The following SCFD2 variants were observed in gnomAD, a reference collection of about 807,000 sequenced individuals.
SCFD2 encodes the protein sec1 family domain containing 2, also known as sec1 family domain-containing protein 2.
SCFD2 carries 54 observed loss-of-function variants against 58.9 expected under a neutral mutation model. The observed-to-expected ratio is 0.92, with a 90% CI of 0.74 to 1.15. The LOEUF (loss-of-function observed/expected upper bound fraction) is 1.15. Ranked by LOEUF, SCFD2 falls within the 50% of genes most tolerant of loss-of-function variation. The pLI is 0.00. For missense variants in SCFD2, 805 were observed against 836.6 expected, an observed-to-expected ratio of 0.96 and a Z score of 0.47; for synonymous variants, 321 against 335.9, an observed-to-expected ratio of 0.96 and a Z score of 0.49.
At chr4:53,007,868 G>A (rs1722012942) in intron 5 of SCFD2, among the ~76,000 whole-genome samples, 1 of 152,212 alleles carries the variant, frequency 6.6e-6, no homozygotes, top group African/African-American at 2.4e-5. Flanking sequence ...GCTTATGAGT[G>A]TGGCAGACTG....
intron 4 of SCFD2, among the ~76,000 whole-genome samples, chr4:53,177,937 T>G (rs1189601963): frequency 6.6e-6 from 1 of 152,118 alleles, no homozygotes; most frequent in Non-Finnish European, 1.5e-5. Context: ...AACTGCAAGG[T>G]GGCAGCAAGG....
intron 5 of SCFD2, among the ~76,000 whole-genome samples, chr4:53,043,345 A>T (rs1722945748): frequency 6.6e-6 from 1 of 151,902 alleles, no homozygotes; most frequent in Non-Finnish European, 1.5e-5. Context: ...ATTAGGCTGG[A>T]GATCTTAGCT....
chr4:53,046,678 T>C (rs1723048259), intron 5 of SCFD2, among the ~76,000 whole-genome samples: 1 of 152,136 alleles, frequency 6.6e-6, no homozygotes, highest in Non-Finnish European at 1.5e-5. Flanking sequence ...GTTGTTGTTT[T>C]TTTCTTTGAG....
chr4:53,095,353 C>T (rs1191574827), intron 5 of SCFD2, among the ~76,000 whole-genome samples: 1 of 152,058 alleles, frequency 6.6e-6, no homozygotes, highest in African/African-American at 2.4e-5. Flanking sequence ...TCTTTGACAT[C>T]GTTCTTTTCC....
intron 5 of SCFD2, chr4:52,949,763 A>G (rs1270515397): frequency 2.0e-5 from 3 of 152,244 alleles, no homozygotes; most frequent in Non-Finnish European, 4.4e-5. Flanking sequence ...CAGGAAAACA[A>G]TGAAAGAACA....
At chr4:53,022,812 AATAATT>A (rs1722381507) in intron 5 of SCFD2, among the ~76,000 whole-genome samples, 1 of 152,220 alleles carries the variant, frequency 6.6e-6, no homozygotes, top group Non-Finnish European at 1.5e-5. Context: ...ATAACAAAAT[AATAATT>A]ATAACTGTAG....
At chr4:53,107,478 A>T (rs1318132257) in intron 5 of SCFD2, among the ~76,000 whole-genome samples, 1 of 152,208 alleles carries the variant, frequency 6.6e-6, no homozygotes, top group Non-Finnish European at 1.5e-5. Context: ...TATTCAGGAG[A>T]TCTACCTCAT....
intron 5 of SCFD2, among the ~76,000 whole-genome samples, chr4:52,939,057 C>A (rs758714358): frequency 6.6e-6 from 1 of 152,092 alleles, no homozygotes; most frequent in Non-Finnish European, 1.5e-5. Flanking sequence ...CTGGCAGAAC[C>A]CTCATAGATC....
intron 3 of SCFD2, among the ~76,000 whole-genome samples, chr4:53,299,075 A>G (rs952439241): frequency 9.2e-5 from 14 of 152,238 alleles, no homozygotes; most frequent in Non-Finnish European, 2.1e-4. Flanking sequence ...CTCACCAGCA[A>G]TGGAACAAAG....
At chr4:53,318,937 G>A (rs1732943465) in intron 2 of SCFD2, among the ~76,000 whole-genome samples, 1 of 152,152 alleles carries the variant, frequency 6.6e-6, no homozygotes, top group African/African-American at 2.4e-5. Flanking sequence ...GAGCCTCAGA[G>A]AGGCAACTGA....
intron 3 of SCFD2, among the ~76,000 whole-genome samples, chr4:53,287,089 C>T (rs138737900): frequency 1.3e-5 from 2 of 152,296 alleles, no homozygotes; most frequent in Non-Finnish European, 2.9e-5. Flanking sequence ...GAGTCACAGA[C>T]ATAAACCTGT....
intron 5 of SCFD2, among the ~76,000 whole-genome samples, chr4:52,952,581 C>T (rs1344151275): frequency 6.6e-6 from 1 of 152,102 alleles, no homozygotes; most frequent in Admixed American, 6.5e-5. Context: ...ATTATTACTG[C>T]AATAGTTAAT....
intron 4 of SCFD2, among the ~76,000 whole-genome samples, chr4:53,256,640 C>T (rs908947957): frequency 4.6e-5 from 7 of 152,002 alleles, no homozygotes; most frequent in African/African-American, 7.3e-5. Flanking sequence ...CTCGGGAGGC[C>T]GAGGCTGGCG....
intron 4 of SCFD2, among the ~76,000 whole-genome samples, chr4:53,272,710 G>A (rs1277188430): frequency 1.3e-5 from 2 of 152,034 alleles, no homozygotes; most frequent in East Asian, 1.9e-4. Flanking sequence ...GTGGGGTGGG[G>A]GGAAGGGGAG....
intron 5 of SCFD2, among the ~76,000 whole-genome samples, chr4:53,032,818 A>G (rs1722651833): frequency 6.6e-6 from 1 of 152,164 alleles, no homozygotes; most frequent in Admixed American, 6.6e-5. Flanking sequence ...AGATTCATAA[A>G]GCAAGTTATT....
At chr4:53,089,105 T>A (rs1190821781) in intron 5 of SCFD2, among the ~76,000 whole-genome samples, 1 of 152,088 alleles carries the variant, frequency 6.6e-6, no homozygotes, top group East Asian at 1.9e-4. Context: ...ATATAGGAAT[T>A]CCCAGTCTCC....
chr4:53,014,034 T>C (rs1453938713), intron 5 of SCFD2, among the ~76,000 whole-genome samples: 1 of 152,208 alleles, frequency 6.6e-6, no homozygotes, highest in Non-Finnish European at 1.5e-5. Flanking sequence ...TTATTAAGCC[T>C]GAGGTGCTGA....
At chr4:53,125,527 G>C (rs754994819) in intron 5 of SCFD2, among the ~76,000 whole-genome samples, 4 of 152,230 alleles carry the variant, frequency 2.6e-5, no homozygotes, top group South Asian at 2.1e-4. Context: ...AAAGCAGCAA[G>C]TGCTCAGACA....
intron 5 of SCFD2, among the ~76,000 whole-genome samples, chr4:52,983,404 C>T (rs1721420711): frequency 6.6e-6 from 1 of 152,096 alleles, no homozygotes; most frequent in Non-Finnish European, 1.5e-5. Context: ...AATTTAAAAG[C>T]TGTAATTGCG....
Sources: gnomAD v4.1 joint callset for allele counts (sites outside exome capture counted in the v4.1 genomes callset) on GRCh38, gnomAD v4.1.1 for gene constraint, MANE v1.5 for transcripts, NCBI Gene and HGNC (gene_info 2026-07-23, HGNC 2026-07-21) for gene names.